The following SELENBP1 variants were observed in gnomAD, a reference collection of about 807,000 sequenced individuals.
The protein encoded by SELENBP1 is methanethiol oxidase.
SELENBP1 carries 71 observed loss-of-function variants against 61.0 expected under a neutral mutation model. That is an observed-to-expected ratio of 1.16 (90% CI 0.96 to 1.42). SELENBP1 has a LOEUF of 1.42. Ranked by LOEUF, SELENBP1 falls within the 40% of genes most tolerant of loss-of-function variation. The pLI is 0.00. For missense variants in SELENBP1, 561 were observed against 605.0 expected (o/e 0.93, Z 0.76); for synonymous variants, 270 against 238.9 (o/e 1.13, Z -1.20).
At chr1:151,365,353 C>T in intron 9 of SELENBP1, 72 bp from the exon 10 acceptor site, 2 of 1,522,668 alleles carry the variant, frequency 1.3e-6, no homozygotes, top group Non-Finnish European at 1.8e-6. Flanking sequence ...GAGCAGCTTG[C>T]CTGGCTGGAA....
intron 3 of SELENBP1, 99 bp downstream of exon 3, chr1:151,369,343 G>A: frequency 7.0e-7 from 1 of 1,421,268 alleles, no homozygotes; most frequent in Non-Finnish European, 9.7e-7. Flanking sequence ...AGCATCCCCA[G>A]GGAGGGCCAA....
chr1:151,368,123 G>T, intron 5 of SELENBP1, 76 bp downstream of exon 5: 5 of 1,568,598 alleles, frequency 3.2e-6, no homozygotes, highest in Non-Finnish European at 4.4e-6. Context: ...CTTCCATTCT[G>T]CTCCTCCCAC....
Position 151,365,637 on chromosome 1 carries a change from A to G in SELENBP1, c.970T>C (p.Phe324Leu), listed in dbSNP as rs200387556. Residue 324 changes from phenylalanine to leucine, a missense_variant, in exon 9 of 12, where the codon TTC becomes CTC. Physicochemically the swap from Phe to Leu is conservative, Grantham distance 22. Coordinates refer to ENST00000368868, the MANE Select transcript of SELENBP1 (RefSeq NM_003944.4). ...LLSLDDRFLY[F>L]SNWLHGDLRQ... is the part of the protein sequence containing the mutation. The stretch of plus-strand genomic sequence containing the variant: ...AGGTCCCCATGCAGCCAGTTGCTGA[A>G]GTAGAGGAAGCGGTCGTCCAGGGAG... The G allele has an allele frequency of 1.7e-5, 28 of 1,614,038 alleles. No homozygotes were observed. The highest frequency in any genetic ancestry group is 2.2e-5 in the Non-Finnish European group (26 of 1,180,046).
Position 151,369,702 on chromosome 1 carries a change from T to C in SELENBP1, c.61+11A>G. 11 of 1,551,432 alleles carry C rather than the reference T, an allele frequency of 7.1e-6. No individual in the cohort carries two copies. The highest frequency in any genetic ancestry group is 1.4e-5 in the African/African-American group (1 of 73,170). On this transcript the variant is annotated intron_variant, in intron 2 of 11. Coordinates refer to ENST00000368868, the MANE Select transcript of SELENBP1 (RefSeq NM_003944.4). ...TAGTAGGGCGCTGGCTCTCAGACCA[T>C]GGGCAATTACCTTTCATGGCCTCCA...
chr1:151,365,749 C>G lies in SELENBP1; in HGVS notation c.922+19G>C. 1 of 1,614,128 alleles carries G rather than the reference C, an allele frequency of 6.2e-7. No individual in the cohort carries two copies. ...TTTCCCAGGCCAAGAATCAACTTTC[C>G]TATGCCCTAGGCACTCACCTGGCAT... On this transcript the variant is annotated intron_variant, in intron 8 of 11. Coordinates refer to ENST00000368868, the MANE Select transcript of SELENBP1 (RefSeq NM_003944.4).
chr1:151,366,168 C>A, intron 7 of SELENBP1, 107 bp downstream of exon 7: 2 of 1,349,600 alleles, frequency 1.5e-6, no homozygotes, highest in Non-Finnish European at 2.0e-6. Context: ...CATGCAGCCT[C>A]ATTTTTTTCG....
intron 6 of SELENBP1, 76 bp downstream of exon 6, chr1:151,366,646 G>C (rs1010749238): frequency 6.5e-7 from 1 of 1,538,808 alleles, no homozygotes; most frequent in Non-Finnish European, 8.9e-7. Flanking sequence ...AGGGAAGTGT[G>C]GGGGTGGGAG....
Position 151,366,924 on chromosome 1 carries a change from G to T in SELENBP1, c.482-20C>A, listed in dbSNP as rs1351006465. On this transcript the variant is annotated intron_variant, in intron 5 of 11. Transcript: ENST00000368868. The stretch of plus-strand genomic sequence containing the variant: ...AACCCCCTGAACAGGGAAGGAAGCA[G>T]GGTGGCAGGTAGAAGCAGTAGAGAC... 6.2e-7 allele frequency: 1 copy of T among 1,611,106 alleles called. No individual in the cohort carries two copies. The highest frequency in any genetic ancestry group is 8.5e-7 in the Non-Finnish European group (1 of 1,178,166).
At chr1:151,368,924 G>T (rs1443147035) in intron 4 of SELENBP1, 80 bp downstream of exon 4, 1 of 1,447,318 alleles carries the variant, frequency 6.9e-7, no homozygotes, top group African/African-American at 1.4e-5. Flanking sequence ...TGCTGGTTTA[G>T]GTCTGGCTTC....
Position 151,371,411 on chromosome 1 carries a change from TA to T in SELENBP1, c.4+1226del, listed in dbSNP as rs553659478. Among the ~76,000 whole-genome samples, 682 of 128,766 alleles carry T rather than the reference TA, an allele frequency of 5.3e-3. 1 individual carries two copies. Among genetic ancestry groups the T allele is most frequent in the South Asian group, 0.014 (57 of 4,056 alleles). 84.5% of individuals were successfully genotyped at this position (128,766 alleles called of 152,430 possible). On this transcript the variant is annotated intron_variant, in intron 1 of 11. Transcript: ENST00000368868. Reference sequence around the variant, plus strand: ...TGGGCAACAAGAGTGAAATTCTGACTAAAAAAAAAAAAAAATAATGAATTAC... The same window carrying T: ...TGGGCAACAAGAGTGAAATTCTGACTAAAAAAAAAAAAAATAATGAATTAC...
chr1:151,368,759 C>T (rs1433697726), intron 4 of SELENBP1, among the ~76,000 whole-genome samples: 1 of 152,216 alleles, frequency 6.6e-6, no homozygotes, highest in Non-Finnish European at 1.5e-5. Context: ...GGCTCCCTCC[C>T]TCTCTCAGAG....
At chr1:151,371,951 T>C (rs758270076) in intron 1 of SELENBP1, among the ~76,000 whole-genome samples, 8 of 134,974 alleles carry the variant, frequency 5.9e-5, no homozygotes, top group Non-Finnish European at 1.2e-4. Context: ...GGGTTTTCCA[T>C]GTCAGGCTGG....
chr1:151,365,728 C>T (rs777257208), intron 8 of SELENBP1, 40 bp downstream of exon 8: 40 of 1,613,962 alleles, frequency 2.5e-5, no homozygotes, highest in Admixed American at 1.5e-4. Flanking sequence ...CTCTTGTTTC[C>T]CAGGCCAAGA....
intron 11 of SELENBP1, 103 bp downstream of exon 11, chr1:151,364,823 G>C: frequency 6.1e-6 from 9 of 1,480,962 alleles, no homozygotes; most frequent in South Asian, 1.2e-5. Context: ...TGGGCCATCT[G>C]TGTGGTGGGG....
chr1:151,367,726 T>A (rs989726866), intron 5 of SELENBP1, among the ~76,000 whole-genome samples: 13 of 152,164 alleles, frequency 8.5e-5, no homozygotes, highest in African/African-American at 3.1e-4. Flanking sequence ...TGGGCTCGGG[T>A]GATCCTCCTA....
chr1:151,364,548 T>A lies in SELENBP1; in HGVS notation c.1414A>T (p.Ile472Phe). ...PGGDCSSDIWI is the reference protein window; with the variant it reads ...PGGDCSSDIWF ...GTGGGTGATGAGGGTGGAGTTCAAA[T>A]CCAGATGTCAGAGCTACAATCGCCC... The change falls in exon 12 of 12, where the codon ATT becomes TTT. Residue 472 changes from isoleucine to phenylalanine, a missense_variant. Transcript: ENST00000368868. 2 of 1,613,940 alleles carry A rather than the reference T, an allele frequency of 1.2e-6. No individual in the cohort carries two copies. The highest frequency in any genetic ancestry group is 4.5e-5 in the East Asian group (2 of 44,868).
chr1:151,364,855 T>A, intron 11 of SELENBP1, 71 bp downstream of exon 11: 1 of 1,547,668 alleles, frequency 6.5e-7, no homozygotes, highest in South Asian at 1.1e-5. Context: ...CCTTGAGGAG[T>A]CTTCAGAAAG....
intron 1 of SELENBP1, among the ~76,000 whole-genome samples, chr1:151,371,850 C>A: frequency 6.6e-6 from 1 of 150,672 alleles, no homozygotes; most frequent in East Asian, 2.0e-4. Flanking sequence ...GAGCATCATT[C>A]CTCTTTCTGG....
In SELENBP1 at chr1:151,364,925, C is replaced by T; in HGVS notation, c.1256+1G>A. On this transcript the variant is annotated splice_donor_variant, in intron 11 of 11. Transcript: ENST00000368868. LOFTEE classifies it high-confidence loss of function. ...GGAGAGCCCATGTGTCTGCTTCTCACCTGATGAGATCAGGGTAAAACTGCT... is the reference window on the plus strand; with the variant it reads ...GGAGAGCCCATGTGTCTGCTTCTCATCTGATGAGATCAGGGTAAAACTGCT... 1 of 1,613,646 alleles carries T rather than the reference C, an allele frequency of 6.2e-7. No homozygotes were observed. The highest frequency in any genetic ancestry group is 8.5e-7 in the Non-Finnish European group (1 of 1,179,640).
Sources: gnomAD v4.1 joint callset for allele counts (sites outside exome capture counted in the v4.1 genomes callset) on GRCh38, gnomAD v4.1.1 for gene constraint, MANE v1.5 for transcripts, NCBI Gene and HGNC (gene_info 2026-07-23, HGNC 2026-07-21) for gene names.